Variants in MAPK9 observed in about 807,000 individuals in gnomAD.
MAPK9 encodes mitogen-activated protein kinase 9.
Under a neutral mutation model 57.1 loss-of-function variants are expected in MAPK9, and 30 were observed. The observed-to-expected ratio is 0.53, with a 90% CI of 0.39 to 0.71. The LOEUF is 0.71. Among genes scored for constraint, MAPK9 ranks in the 30% least tolerant of loss-of-function variants. MAPK9 has a pLI of 0.00. For missense variants in MAPK9, 362 were observed against 521.0 expected (o/e 0.69, Z 2.97); for synonymous variants, 155 against 177.0 (o/e 0.88, Z 0.99).
At chr5:180,282,862 G>A (rs897974250) in intron 1 of MAPK9, among the ~76,000 whole-genome samples, 2 of 152,144 alleles carry the variant, frequency 1.3e-5, no homozygotes, top group Non-Finnish European at 2.9e-5. Flanking sequence ...GCACACCAAG[G>A]GTCCTAAACC....
chr5:180,275,472 A>G, intron 2 of MAPK9, among the ~76,000 whole-genome samples: 1 of 151,978 alleles, frequency 6.6e-6, no homozygotes, highest in Non-Finnish European at 1.5e-5. Context: ...AGGGCCCTGG[A>G]CTCTCATCCC....
chr5:180,250,578 C>T (rs532284056), intron 5 of MAPK9, among the ~76,000 whole-genome samples: 59 of 152,232 alleles, frequency 3.9e-4, no homozygotes, highest in Admixed American at 6.5e-4. Flanking sequence ...GGGTTGCAGG[C>T]GGCATGCCTC....
intron 1 of MAPK9, among the ~76,000 whole-genome samples, chr5:180,281,425 G>C (rs968048909): frequency 5.9e-5 from 9 of 152,246 alleles, no homozygotes; most frequent in Non-Finnish European, 1.2e-4. Context: ...ATTTTATACA[G>C]AAAACAAGCA....
chr5:180,241,493 G>T (rs1757655048), intron 8 of MAPK9, among the ~76,000 whole-genome samples: 1 of 152,090 alleles, frequency 6.6e-6, no homozygotes, highest in African/African-American at 2.4e-5. Flanking sequence ...TAGAGACAGG[G>T]TTTCACTGTG....
chr5:180,242,517 G>A (rs1269455317), intron 8 of MAPK9, 56 bp downstream of exon 8: 2 of 1,487,254 alleles, frequency 1.3e-6, no homozygotes, highest in Admixed American at 1.9e-5. Context: ...ACATGAAAGA[G>A]TGAAAGCACC....
intron 3 of MAPK9, among the ~76,000 whole-genome samples, chr5:180,265,723 G>C (rs1015362821): frequency 1.3e-5 from 2 of 152,166 alleles, no homozygotes; most frequent in East Asian, 3.8e-4. Context: ...CGAGTCCCAC[G>C]GCTTAGGCAC....
chr5:180,291,159 C>T (rs1490319372), intron 1 of MAPK9, among the ~76,000 whole-genome samples: 2 of 152,134 alleles, frequency 1.3e-5, no homozygotes, highest in African/African-American at 4.8e-5. Flanking sequence ...TGCGGGCTGG[C>T]ATGTTCAAGG....
chr5:180,266,460 G>A (rs928749842), intron 3 of MAPK9, among the ~76,000 whole-genome samples: 7 of 151,936 alleles, frequency 4.6e-5, no homozygotes, highest in African/African-American at 1.7e-4. Context: ...GATTACAGGC[G>A]CCCACCACTA....
intron 6 of MAPK9, 148 bp downstream of exon 6, chr5:180,248,825 A>C (rs777804709): frequency 1.1e-5 from 8 of 737,366 alleles, no homozygotes; most frequent in Non-Finnish European, 1.6e-5. Context: ...ACAATTAATT[A>C]TTTCTTATCT....
chr5:180,246,128 G>A (rs536569131), intron 7 of MAPK9: 21 of 152,248 alleles, frequency 1.4e-4, no homozygotes, highest in African/African-American at 5.1e-4. Flanking sequence ...ATAAAACAAG[G>A]AATGGCACAA....
chr5:180,241,496 T>C (rs1448080199), intron 8 of MAPK9, among the ~76,000 whole-genome samples: 1 of 152,164 alleles, frequency 6.6e-6, no homozygotes, highest in Non-Finnish European at 1.5e-5. Context: ...AGACAGGGTT[T>C]CACTGTGTTA....
chr5:180,271,278 G>A (rs1000197632), intron 2 of MAPK9, among the ~76,000 whole-genome samples: 2 of 152,184 alleles, frequency 1.3e-5, no homozygotes, highest in Non-Finnish European at 2.9e-5. Flanking sequence ...AGCTCCATGA[G>A]GAACTACCTT....
chr5:180,261,595 C>T (rs1759972464), intron 5 of MAPK9, 89 bp downstream of exon 5: 1 of 1,245,904 alleles, frequency 8.0e-7, no homozygotes, highest in South Asian at 1.7e-5. Flanking sequence ...TCAAGCCTAA[C>T]AATTTTTTTT....
intron 2 of MAPK9, among the ~76,000 whole-genome samples, chr5:180,276,565 C>T (rs889708549): frequency 6.6e-5 from 10 of 152,146 alleles, no homozygotes; most frequent in Non-Finnish European, 2.9e-5. Flanking sequence ...TATTTTAAAA[C>T]TTATTTTAGG....
At position 180,247,211 on chromosome 5, in the gene MAPK9, T is replaced by C. The variant is rs538354249; in HGVS notation, c.688+228A>G. On this transcript the variant is annotated intron_variant, in intron 7 of 11. Coordinates refer to ENST00000452135, the MANE Select transcript of MAPK9 (RefSeq NM_002752.5). This position sits in a 1 kb window ranked among gnomAD's most constrained non-coding sequence, Gnocchi z 4.5. Reference sequence around the variant, plus strand: ...TAAGAGCTAATATAATCGGTTTAACTGAACTCTAAGTCTCAAAGTCATCAC... The same window carrying C: ...TAAGAGCTAATATAATCGGTTTAACCGAACTCTAAGTCTCAAAGTCATCAC... 5.1e-5 allele frequency: 29 copies of C among 572,750 alleles called. No homozygotes were observed. The South Asian group carries it at 6.1e-4, about 12-fold the overall frequency. The allele number at this position is 572,750 out of a possible 1,614,324, so 35.5% of individuals were successfully genotyped here. A position where few individuals can be genotyped will look rare whatever the true frequency, so the allele number is the denominator to read the frequency against.
chr5:180,290,446 C>T (rs35703820), intron 1 of MAPK9, among the ~76,000 whole-genome samples: 23,341 of 152,184 alleles, frequency 0.15, 1,928 homozygotes, highest in South Asian at 0.25. Flanking sequence ...TGTCTGCATG[C>T]CTGCCTTCTC....
At chr5:180,243,754 G>A (rs1474765441) in intron 7 of MAPK9, among the ~76,000 whole-genome samples, 1 of 152,034 alleles carries the variant, frequency 6.6e-6, no homozygotes, top group Non-Finnish European at 1.5e-5. Context: ...CCTACTCCTG[G>A]TTCATACATA....
intron 2 of MAPK9, among the ~76,000 whole-genome samples, chr5:180,275,045 C>T (rs980494063): frequency 3.3e-5 from 5 of 152,122 alleles, no homozygotes; most frequent in African/African-American, 1.2e-4. Flanking sequence ...TTTAATCTTG[C>T]CTTTATCACC....
At chr5:180,236,871 G>C (rs768034587) in intron 11 of MAPK9, 52 of 165,244 alleles carry the variant, frequency 3.1e-4, no homozygotes, top group Non-Finnish European at 6.1e-4. Flanking sequence ...TGAAAATGCA[G>C]TATCACAAAA....
Sources: gnomAD v4.1 joint callset for allele counts (sites outside exome capture counted in the v4.1 genomes callset) on GRCh38, gnomAD v4.1.1 for gene constraint, Gnocchi (gnomAD v3.1) non-coding constraint, MANE v1.5 for transcripts, NCBI Gene and HGNC (gene_info 2026-07-23, HGNC 2026-07-21) for gene names.